Variants in NEGR1 observed in about 807,000 individuals in gnomAD.
The protein encoded by NEGR1 is IgLON family member 4.
In NEGR1, 10 loss-of-function variants were observed where a neutral mutation model predicts 40.9. That is an observed-to-expected ratio of 0.24 (90% CI 0.15 to 0.42). The LOEUF is 0.42. Ranked by LOEUF, NEGR1 falls within the 10% of genes least tolerant of loss-of-function variation. The pLI is 1.00. For missense variants in NEGR1, 352 were observed against 438.9 expected, an observed-to-expected ratio of 0.80 and a Z score of 1.77; for synonymous variants, 185 against 166.8, an observed-to-expected ratio of 1.11 and a Z score of -0.84.
chr1:71,739,401 T>C (rs1186919959), intron 3 of NEGR1, among the ~76,000 whole-genome samples: 5 of 151,784 alleles, frequency 3.3e-5, no homozygotes, highest in African/African-American at 7.3e-5. Context: ...TTGTGTGAGT[T>C]AATACTCCTT....
chr1:72,225,664 T>C (rs1675353), intron 1 of NEGR1, among the ~76,000 whole-genome samples: 3,313 of 151,626 alleles, frequency 0.022, 55 homozygotes, highest in African/African-American at 0.032. Context: ...ACATCATTAA[T>C]GGGCATTTAG....
intron 6 of NEGR1, among the ~76,000 whole-genome samples, chr1:71,508,358 C>A (rs1358454047): frequency 1.3e-5 from 2 of 152,130 alleles, no homozygotes; most frequent in Admixed American, 1.3e-4. Flanking sequence ...GTGGAAAGTG[C>A]ACGGGTCACC....
At chr1:72,064,599 T>C (rs1028341123) in intron 1 of NEGR1, among the ~76,000 whole-genome samples, 7 of 152,028 alleles carry the variant, frequency 4.6e-5, no homozygotes, top group African/African-American at 1.7e-4. Flanking sequence ...TTATGAAGCA[T>C]TTAGTTTAAA....
chr1:71,488,867 G>C (rs1221513881), intron 6 of NEGR1, among the ~76,000 whole-genome samples: 2 of 151,720 alleles, frequency 1.3e-5, no homozygotes, highest in Non-Finnish European at 2.9e-5. Flanking sequence ...AAAGATGATG[G>C]TGTGGTATAA....
rs1654617859 is a variant in NEGR1, at chr1:72,238,108, T to C, written c.176+44211A>G. Among the ~76,000 whole-genome samples, 3 of 151,864 alleles carry C rather than the reference T, an allele frequency of 2.0e-5. No homozygotes were observed. In the Admixed American group the frequency reaches 2.0e-4, roughly 10 times the overall value. The stretch of plus-strand genomic sequence containing the variant: ...TAATTGATTAACTTTCATCAATTTC[T>C]ATGACAAATATAAAATCCCTACCTT... On this transcript the variant is annotated intron_variant, in intron 1 of 6. Coordinates refer to ENST00000357731, the MANE Select transcript of NEGR1 (RefSeq NM_173808.3).
intron 1 of NEGR1, among the ~76,000 whole-genome samples, chr1:72,116,364 T>C (rs75050875): frequency 0.016 from 2,421 of 151,882 alleles, 65 homozygotes; most frequent in African/African-American, 0.056. Context: ...GCATTAGAGA[T>C]GGCATTTTAA....
chr1:71,644,417 G>A (rs74088533), intron 4 of NEGR1, among the ~76,000 whole-genome samples: 5,549 of 151,794 alleles, frequency 0.037, 131 homozygotes, highest in African/African-American at 0.072. Context: ...TTTCCATAAT[G>A]TTTATTGTTT....
At chr1:71,714,836 G>C (rs1654218663) in intron 3 of NEGR1, among the ~76,000 whole-genome samples, 1 of 152,178 alleles carries the variant, frequency 6.6e-6, no homozygotes, top group Non-Finnish European at 1.5e-5. Context: ...GGCTTTTCCA[G>C]GTATATGGTG....
chr1:72,201,145 T>C (rs1653190366), intron 1 of NEGR1, among the ~76,000 whole-genome samples: 1 of 151,786 alleles, frequency 6.6e-6, no homozygotes, highest in Admixed American at 6.6e-5. Flanking sequence ...TGACAGATAA[T>C]TGTATTACAT....
At chr1:71,999,156 T>G (rs1273896039) in intron 1 of NEGR1, among the ~76,000 whole-genome samples, 3 of 151,932 alleles carry the variant, frequency 2.0e-5, no homozygotes, top group African/African-American at 7.2e-5. Context: ...TCTCAATTAT[T>G]TTGACATCAC....
At chr1:71,799,028 G>T (rs779635837) in intron 2 of NEGR1, among the ~76,000 whole-genome samples, 3 of 151,354 alleles carry the variant, frequency 2.0e-5, no homozygotes, top group Non-Finnish European at 2.9e-5. Context: ...TAGGGGAAAA[G>T]ATCTTGTATT....
rs138466715 is a variant in NEGR1 at position 71,599,759 on chromosome 1, A to G, written c.789-6791T>C. Among the ~76,000 whole-genome samples the G allele has an allele frequency of 2.7e-3, 416 of 152,310 alleles. 2 individuals carry two copies. Among genetic ancestry groups the G allele is most frequent in the African/African-American group, 9.2e-3 (382 of 41,570 alleles). Reference sequence around the variant, plus strand: ...CTTATTTACTTTATCAATTTTAATGAAATTAATAATTTTAGATTAGAGATA... The same window carrying G: ...CTTATTTACTTTATCAATTTTAATGGAATTAATAATTTTAGATTAGAGATA... On this transcript the variant is annotated intron_variant, in intron 5 of 6. Coordinates refer to ENST00000357731, the MANE Select transcript of NEGR1 (RefSeq NM_173808.3).
chr1:72,251,740 T>C (rs1356364101), intron 1 of NEGR1, among the ~76,000 whole-genome samples: 2 of 152,182 alleles, frequency 1.3e-5, no homozygotes, highest in African/African-American at 4.8e-5. Context: ...ATGGTTGAAT[T>C]TGCCAATGAG....
intron 1 of NEGR1, among the ~76,000 whole-genome samples, chr1:71,940,621 A>C (rs1645949805): frequency 6.6e-6 from 1 of 152,136 alleles, no homozygotes; most frequent in African/African-American, 2.4e-5. Flanking sequence ...GGGCCCCCTT[A>C]AAGGATGTTA....
chr1:71,616,626 C>T (rs1417010317), intron 4 of NEGR1, among the ~76,000 whole-genome samples: 3 of 152,178 alleles, frequency 2.0e-5, no homozygotes, highest in Non-Finnish European at 4.4e-5. Flanking sequence ...TGCACAACTG[C>T]ATCTGGTGGC....
At chr1:72,061,300 C>T (rs1275696409) in intron 1 of NEGR1, among the ~76,000 whole-genome samples, 2 of 151,760 alleles carry the variant, frequency 1.3e-5, no homozygotes, top group Non-Finnish European at 2.9e-5. Flanking sequence ...TGGTCTAACA[C>T]AATATCATCT....
At chr1:72,140,479 A>T (rs931549425) in intron 1 of NEGR1, among the ~76,000 whole-genome samples, 3 of 151,924 alleles carry the variant, frequency 2.0e-5, no homozygotes, top group Admixed American at 6.6e-5. Context: ...AAGGGTCCAA[A>T]GTCTCCTTTT....
At chr1:71,585,015 G>A (rs533218048) in intron 6 of NEGR1, among the ~76,000 whole-genome samples, 292 of 152,192 alleles carry the variant, frequency 1.9e-3, no homozygotes, top group African/African-American at 6.7e-3. Flanking sequence ...TTTCTCTGGA[G>A]AGTAAAATTC....
chr1:71,941,530 ATCTT>A (rs774850468), intron 1 of NEGR1, among the ~76,000 whole-genome samples: 34 of 152,098 alleles, frequency 2.2e-4, no homozygotes, highest in Non-Finnish European at 4.4e-4. Context: ...GGTTCTTATT[ATCTT>A]TCTATTTTTG....
Sources: gnomAD v4.1 joint callset for allele counts (sites outside exome capture counted in the v4.1 genomes callset) on GRCh38, gnomAD v4.1.1 for gene constraint, MANE v1.5 for transcripts, NCBI Gene and HGNC (gene_info 2026-07-23, HGNC 2026-07-21) for gene names.